MMP28: variants seen among roughly 807,000 people sequenced by gnomAD.
The protein encoded by MMP28 is matrix metallopeptidase 28.
A neutral mutation model predicts 60.5 loss-of-function variants in MMP28; 55 were observed. That is an observed-to-expected ratio of 0.91 (90% CI 0.73 to 1.14). The LOEUF (loss-of-function observed/expected upper bound fraction) is 1.14, where lower values mean the gene tolerates loss of function less well. Among genes scored for constraint, MMP28 ranks in the 50% most tolerant of loss-of-function variants. MMP28 has a pLI of 0.00. For synonymous variants in MMP28, 318 were observed against 312.5 expected (o/e 1.02, Z -0.18); for missense variants, 686 against 738.3 (o/e 0.93, Z 0.82).
At chr17:35,770,028 G>A in intron 5 of MMP28, 39 bp downstream of exon 5, 12 of 1,506,850 alleles carry the variant, frequency 8.0e-6, no homozygotes, top group Non-Finnish European at 9.7e-6. Context: ...CTTGGGGGCA[G>A]GAGTGGGACC....
intron 1 of MMP28, among the ~76,000 whole-genome samples, chr17:35,783,934 C>A (rs1555609954): frequency 6.6e-6 from 1 of 152,018 alleles, no homozygotes; most frequent in African/African-American, 2.4e-5. Context: ...CCAAGCAGAG[C>A]CACTGAAAGA....
At chr17:35,770,907 C>A (rs879306627) in intron 4 of MMP28, among the ~76,000 whole-genome samples, 1 of 152,056 alleles carries the variant, frequency 6.6e-6, no homozygotes, top group African/African-American at 2.4e-5. Flanking sequence ...AAAACATTAG[C>A]TAGGCGTGAT....
intron 1 of MMP28, 50 bp downstream of exon 1, chr17:35,795,217 G>GAC: frequency 7.8e-7 from 1 of 1,274,426 alleles, no homozygotes. Context: ...GCCGAGTTCT[G>GAC]ACAGGTCTCA....
intron 3 of MMP28, among the ~76,000 whole-genome samples, chr17:35,778,318 ACTG>A (rs2086393522): frequency 6.6e-6 from 1 of 152,034 alleles, no homozygotes. Context: ...AGGGGGAATG[ACTG>A]CTAATGGGCA....
intron 5 of MMP28, 129 bp from the exon 6 acceptor site, chr17:35,768,508 T>G (rs1350333383): frequency 4.0e-6 from 3 of 755,670 alleles, no homozygotes; most frequent in Non-Finnish European, 6.1e-6. Flanking sequence ...AGAGTGGGAG[T>G]GGGGGTTAAG....
chr17:35,790,127 C>A (rs912642117), intron 1 of MMP28, among the ~76,000 whole-genome samples: 1 of 136,878 alleles, frequency 7.3e-6, no homozygotes, highest in Non-Finnish European at 1.5e-5. Context: ...AGTGCAACTG[C>A]GTGATCTCGG....
At chr17:35,764,861 A>C (rs2143123079), downstream of MMP28, 1 of 367,030 alleles carries the variant, frequency 2.7e-6, no homozygotes. Context: ...AACAGCGCCC[A>C]CCGAGGGCTC....
chr17:35,791,238 C>G (rs564444059), intron 1 of MMP28, among the ~76,000 whole-genome samples: 1 of 151,474 alleles, frequency 6.6e-6, no homozygotes, highest in African/African-American at 2.4e-5. Flanking sequence ...CAGGGGTGGG[C>G]AAATAAAATT....
At chr17:35,760,561 G>A (rs1255339624) in intron 2 of MMP28, among the ~76,000 whole-genome samples, 16 of 152,222 alleles carry the variant, frequency 1.1e-4, no homozygotes, top group Admixed American at 3.9e-4. Flanking sequence ...CAGGTAAAGC[G>A]TGGTACTGTA....
intron 1 of MMP28, among the ~76,000 whole-genome samples, chr17:35,779,864 A>G (rs1367945084): frequency 1.3e-5 from 2 of 152,156 alleles, no homozygotes; most frequent in African/African-American, 4.8e-5. Context: ...AGTGGCTATT[A>G]TAATATGTGT....
At chr17:35,776,144 G>A (rs902882415) in intron 3 of MMP28, among the ~76,000 whole-genome samples, 3 of 151,242 alleles carry the variant, frequency 2.0e-5, no homozygotes, top group Non-Finnish European at 2.9e-5. Context: ...AAAGTGCTGG[G>A]ATTACAGGTG....
intron 3 of MMP28, among the ~76,000 whole-genome samples, chr17:35,777,313 C>T (rs754167181): frequency 1.4e-4 from 22 of 152,358 alleles, no homozygotes; most frequent in Middle Eastern, 3.4e-3. Context: ...TGCCCAGAAA[C>T]ACGGTGGGAC....
At position 35,766,916 on chromosome 17, in the gene MMP28, A is replaced by T. The variant is rs2085962394; in HGVS notation, c.1169-22T>A. On this transcript the variant is annotated intron_variant, in intron 7 of 7. Coordinates refer to ENST00000605424, the MANE Select transcript of MMP28 (RefSeq NM_024302.5). The surrounding 1 kb of genome is among the most constrained non-coding windows in gnomAD (Gnocchi z 4.3). Reference sequence around the variant, plus strand: ...CCCCCTGTGGGGAATTGGGAGAGCCAGGGTGAGCTGGAGGCTGTCACCCAT... The same window carrying T: ...CCCCCTGTGGGGAATTGGGAGAGCCTGGGTGAGCTGGAGGCTGTCACCCAT... The T allele has an allele frequency of 1.3e-6, 2 of 1,556,166 alleles. No homozygotes were observed. Among genetic ancestry groups the T allele is most frequent in the Non-Finnish European group, 8.7e-7 (1 of 1,151,414 alleles).
chr17:35,766,353 A>T lies in MMP28; in HGVS notation c.*147T>A, dbSNP rs1555603104. ...GACAATGCTGCATTCTTCAAGGAAC[A>T]AAGGCAGACAGACTTCCAGATGGAG... On this transcript the variant is annotated 3_prime_UTR_variant, in exon 8 of 8. Coordinates refer to ENST00000605424, the MANE Select transcript of MMP28 (RefSeq NM_024302.5). The surrounding 1 kb of genome is among the most constrained non-coding windows in gnomAD (Gnocchi z 4.3). 1.4e-6 allele frequency: 2 copies of T among 1,422,960 alleles called. No homozygotes were observed. 88.1% of individuals were successfully genotyped at this position (1,422,960 alleles called of 1,614,324 possible).
downstream of MMP28, chr17:35,763,984 C>A: frequency 1.3e-6 from 2 of 1,523,794 alleles, no homozygotes; most frequent in Non-Finnish European, 8.8e-7. Flanking sequence ...GCAGGACTGC[C>A]CTGACCTCCT....
intron 5 of MMP28, among the ~76,000 whole-genome samples, chr17:35,768,896 G>A (rs1300182922): frequency 6.6e-6 from 1 of 152,204 alleles, no homozygotes; most frequent in African/African-American, 2.4e-5. Flanking sequence ...AACATCCTGG[G>A]ACAGAGGAAC....
intron 2 of MMP28, among the ~76,000 whole-genome samples, chr17:35,756,806 C>T (rs587654587): frequency 3.9e-5 from 6 of 152,034 alleles, no homozygotes; most frequent in Admixed American, 3.9e-4. Context: ...GGCATGGTGG[C>T]TTTTCTATTT....
chr17:35,778,802 T>C, intron 3 of MMP28, 86 bp downstream of exon 3: 2 of 1,611,048 alleles, frequency 1.2e-6, no homozygotes, highest in Non-Finnish European at 1.7e-6. Context: ...ACTGACAAAG[T>C]CCAGTCCCAG....
chr17:35,788,813 C>G (rs1239444270), intron 1 of MMP28, among the ~76,000 whole-genome samples: 1 of 152,094 alleles, frequency 6.6e-6, no homozygotes, highest in Admixed American at 6.5e-5. Context: ...AAAGAAGGTC[C>G]AAGCAAAGCA....
Sources: gnomAD v4.1 joint callset for allele counts (sites outside exome capture counted in the v4.1 genomes callset) on GRCh38, gnomAD v4.1.1 for gene constraint, Gnocchi (gnomAD v3.1) non-coding constraint, MANE v1.5 for transcripts, NCBI Gene and HGNC (gene_info 2026-07-23, HGNC 2026-07-21) for gene names.